UGT2B7: variants seen among roughly 807,000 people sequenced by gnomAD.
UGT2B7 encodes UDP glucuronosyltransferase family 2 member B7.
A neutral mutation model predicts 51.9 loss-of-function variants in UGT2B7; 51 were observed. That is an observed-to-expected ratio of 0.98 (90% CI 0.78 to 1.24). UGT2B7 has a LOEUF of 1.24. Ranked by LOEUF, UGT2B7 falls within the 50% of genes most tolerant of loss-of-function variation. The pLI is 0.00. For synonymous variants in UGT2B7, 225 were observed against 211.6 expected, an observed-to-expected ratio of 1.06 and a Z score of -0.55; for missense variants, 727 against 628.4, an observed-to-expected ratio of 1.16 and a Z score of -1.68.
intron 1 of UGT2B7, among the ~76,000 whole-genome samples, chr4:69,067,798 A>G (rs571275705): frequency 6.6e-6 from 1 of 152,160 alleles, no homozygotes; most frequent in South Asian, 2.1e-4. Flanking sequence ...GTTTGTTTTA[A>G]TGGAAACATT....
At position 69,064,112 on chromosome 4, in the gene UGT2B7, AAAAG is replaced by A. The variant is rs60807201; in HGVS notation, c.-159+12534_-159+12537del. ...AGAAAGAAAGAGAAAGAAAGAAAGA[AAAAG>A]AAAGAAAGAAAGAAAGAAAGAAAAA... On this transcript the variant is annotated intron_variant, in intron 1 of 5. Transcript: ENST00000502942. Among the ~76,000 whole-genome samples the A allele has an allele frequency of 7.4e-4, 64 of 86,842 alleles. 1 individual carries two copies. The highest frequency in any genetic ancestry group is 4.8e-3 in the South Asian group (12 of 2,490). 57.0% of individuals were successfully genotyped at this position (86,842 alleles called of 152,430 possible). A position where few individuals can be genotyped will look rare whatever the true frequency, so the allele number is the denominator to read the frequency against.
exon 2 of UGT2B7, chr4:69,089,515 T>C (rs915212419): frequency 1.3e-5 from 2 of 152,136 alleles, no homozygotes; most frequent in Non-Finnish European, 2.9e-5. Context: ...GATGGCACTG[T>C]GGTGTTTTCT....
chr4:69,070,214 T>C (rs1718570343), intron 1 of UGT2B7, among the ~76,000 whole-genome samples: 1 of 147,576 alleles, frequency 6.8e-6, no homozygotes, highest in Non-Finnish European at 1.5e-5. Context: ...AAACCTCTTC[T>C]TTTATATATA....
chr4:69,077,097 G>T (rs1288191975), intron 1 of UGT2B7, among the ~76,000 whole-genome samples: 1 of 152,116 alleles, frequency 6.6e-6, no homozygotes, highest in Non-Finnish European at 1.5e-5. Context: ...TTGTATATGT[G>T]TGGTGTTATT....
rs553165441 is a variant in UGT2B7, at chr4:69,104,396, A to G, written c.1002+1458A>G. On this transcript the variant is annotated intron_variant, in intron 3 of 5. Transcript: ENST00000305231. ...TATTTTACTTCAACATAGGGAACAAACTTTTTAAGTATATTAATAAATATT... is the reference window on the plus strand; with the variant it reads ...TATTTTACTTCAACATAGGGAACAAGCTTTTTAAGTATATTAATAAATATT... 2.5e-4 allele frequency among the ~76,000 whole-genome samples: 38 copies of G among 152,204 alleles called. No homozygotes were observed. In the South Asian group the frequency reaches 7.9e-3, roughly 32 times the overall value.
At chr4:69,052,712 G>C (rs1458976889) in intron 1 of UGT2B7, among the ~76,000 whole-genome samples, 14 of 112,094 alleles carry the variant, frequency 1.2e-4, no homozygotes, top group Admixed American at 1.1e-3. Context: ...ACATGTTGAA[G>C]AATTGTCAGT....
chr4:69,064,112 A>AGAGAGAGAGAGAAAG (rs1718433031), intron 1 of UGT2B7, among the ~76,000 whole-genome samples: 9 of 86,828 alleles, frequency 1.0e-4, no homozygotes, highest in South Asian at 8.0e-4. Flanking sequence ...GAAAGAAAGA[A>AGAGAGAGAGAGAAAG]AAAGAAAGAA....
chr4:69,100,087 GA>G (rs199873416), intron 2 of UGT2B7, among the ~76,000 whole-genome samples: 1,963 of 151,984 alleles, frequency 0.013, 42 homozygotes, highest in African/African-American at 0.045. Flanking sequence ...TCTTCATTGA[GA>G]CCCCAGAGAT....
upstream of UGT2B7, among the ~76,000 whole-genome samples, chr4:69,095,651 G>A (rs1719203101): frequency 6.6e-6 from 1 of 152,160 alleles, no homozygotes; most frequent in Non-Finnish European, 1.5e-5. Context: ...GATTAATGCT[G>A]AATGTACTAC....
chr4:69,053,950 G>A (rs911951006), intron 1 of UGT2B7, among the ~76,000 whole-genome samples: 4 of 152,188 alleles, frequency 2.6e-5, no homozygotes, highest in African/African-American at 9.6e-5. Context: ...AGCGAGAGAA[G>A]CCCCTTATAG....
chr4:69,068,157 C>T (rs1163238629), intron 1 of UGT2B7, among the ~76,000 whole-genome samples: 1 of 151,814 alleles, frequency 6.6e-6, no homozygotes, highest in Non-Finnish European at 1.5e-5. Context: ...TAAAGCTTTC[C>T]TAAGATGATT....
intron 4 of UGT2B7, 56 bp downstream of exon 4, chr4:69,107,318 A>C (rs979265482): frequency 8.0e-6 from 12 of 1,506,788 alleles, no homozygotes; most frequent in Non-Finnish European, 1.1e-5. Context: ...TTAGAGTGTT[A>C]ATAGTTCATC....
intron 1 of UGT2B7, among the ~76,000 whole-genome samples, chr4:69,086,031 C>T (rs1028664698): frequency 6.6e-6 from 1 of 151,180 alleles, no homozygotes; most frequent in African/African-American, 2.4e-5. Flanking sequence ...TATTATATCC[C>T]TTTTCTACTA....
intron 1 of UGT2B7, among the ~76,000 whole-genome samples, chr4:69,055,098 T>TAAAAAAAAAA (rs1178892377): frequency 3.5e-4 from 8 of 22,562 alleles, no homozygotes; most frequent in Admixed American, 1.2e-3. Context: ...AAGTAATAGC[T>TAAAAAAAAAA]AAAAAAAAAA....
intron 1 of UGT2B7, among the ~76,000 whole-genome samples, chr4:69,066,127 A>C (rs537507720): frequency 6.6e-6 from 1 of 152,290 alleles, no homozygotes; most frequent in Admixed American, 6.5e-5. Flanking sequence ...ATTCTAACAG[A>C]TATGCTATCA....
chr4:69,066,750 A>C (rs1336588629), intron 1 of UGT2B7, among the ~76,000 whole-genome samples: 2 of 152,042 alleles, frequency 1.3e-5, no homozygotes, highest in African/African-American at 4.8e-5. Flanking sequence ...CCTTTCACAA[A>C]ATTTTTTTTC....
intron 1 of UGT2B7, among the ~76,000 whole-genome samples, chr4:69,065,224 G>T (rs1718459668): frequency 6.6e-6 from 1 of 152,092 alleles, no homozygotes; most frequent in Admixed American, 6.5e-5. Flanking sequence ...AAAAAAGGAA[G>T]CCCAAACTCA....
intron 1 of UGT2B7, among the ~76,000 whole-genome samples, chr4:69,073,250 T>C (rs114391101): frequency 0.013 from 2,027 of 152,248 alleles, 51 homozygotes; most frequent in South Asian, 0.049. Context: ...TACCCAAAAA[T>C]GGATATTAAC....
At chr4:69,099,257 CAAAAAAAAAAA>C (rs58121670) in intron 2 of UGT2B7, among the ~76,000 whole-genome samples, 2 of 105,752 alleles carry the variant, frequency 1.9e-5, no homozygotes, top group Non-Finnish European at 4.2e-5. Flanking sequence ...GAGAGACAGA[CAAAAAAAAAAA>C]AAAAAAAAAA....
Sources: allele counts gnomAD v4.1 joint callset (sites outside exome capture counted in the v4.1 genomes callset), GRCh38; gene constraint gnomAD v4.1.1; transcripts MANE v1.5; gene names NCBI Gene and HGNC (gene_info 2026-07-23, HGNC 2026-07-21).